Variants in TMEM200A observed in about 807,000 individuals in gnomAD.
TMEM200A encodes transmembrane protein 200A, also known as two transmembrane C.
Under a neutral mutation model 24.3 loss-of-function variants are expected in TMEM200A, and 12 were observed. That is an observed-to-expected ratio of 0.49 (90% CI 0.32 to 0.80). TMEM200A has a LOEUF of 0.80. TMEM200A is among the 30% of genes least tolerant of loss of function. TMEM200A has a pLI of 0.04. For synonymous variants in TMEM200A, 224 were observed against 224.4 expected (o/e 1.00, Z 0.02); for missense variants, 545 against 614.4 (o/e 0.89, Z 1.19).
chr6:130,396,934 C>T lies in TMEM200A; in HGVS notation c.-17+11698C>T, dbSNP rs111274407. On this transcript the variant is annotated intron_variant, in intron 2 of 2. Coordinates refer to ENST00000296978, the MANE Select transcript of TMEM200A (RefSeq NM_001258277.2). ...GTAGGATGTTGTGCAGCCTTCACCTCTGCTTCATACTTTTACTTTCTGTTT... is the reference window on the plus strand; with the variant it reads ...GTAGGATGTTGTGCAGCCTTCACCTTTGCTTCATACTTTTACTTTCTGTTT... Among the ~76,000 whole-genome samples, 43 of 152,296 alleles carry T rather than the reference C, an allele frequency of 2.8e-4. 1 individual carries two copies. The highest frequency in any genetic ancestry group is 9.6e-4 in the African/African-American group (40 of 41,576).
chr6:130,386,679 G>A (rs1201396076), intron 2 of TMEM200A, among the ~76,000 whole-genome samples: 1 of 152,114 alleles, frequency 6.6e-6, no homozygotes, highest in African/African-American at 2.4e-5. Flanking sequence ...TAGGTGATTA[G>A]CATTAAGATT....
At chr6:130,436,987 A>C (rs1221792637) in intron 2 of TMEM200A, 2 of 152,122 alleles carry the variant, frequency 1.3e-5, no homozygotes, top group Admixed American at 6.6e-5. Flanking sequence ...TGCCGTTAGC[A>C]TCCCCATGCC....
chr6:130,440,759 G>T lies in TMEM200A; in HGVS notation c.337G>T (p.Val113Phe). 6.2e-7 allele frequency: 1 copy of T among 1,613,930 alleles called. No individual in the cohort carries two copies. The highest frequency in any genetic ancestry group is 8.5e-7 in the Non-Finnish European group (1 of 1,179,960). ...CATTCGGAATGAAGGCGGTGTGGTG[G>T]TTCGCTTCTTTGAGCAGCATTTGCA... Reference protein sequence around the residue: ...QVIRNEGGVVVRFFEQHLHSD... With the variant: ...QVIRNEGGVVFRFFEQHLHSD... Residue 113 changes from valine to phenylalanine, a missense_variant, in exon 3 of 3, where the codon GTT (valine) becomes TTT (phenylalanine). Val to Phe is a conservative substitution (Grantham distance 50). Transcript: ENST00000296978.
At position 130,441,551 on chromosome 6, in the gene TMEM200A, G is replaced by A. The variant is rs749593534; in HGVS notation, c.1129G>A (p.Ala377Thr). The A allele has an allele frequency of 1.2e-6, 2 of 1,613,900 alleles. No homozygotes were observed. The highest frequency in any genetic ancestry group is 4.5e-5 in the East Asian group (2 of 44,842). The change falls in exon 3 of 3, where the codon GCT becomes ACT. Residue 377 changes from alanine (A) to threonine (T), a missense_variant. Coordinates refer to ENST00000296978, the MANE Select transcript of TMEM200A (RefSeq NM_001258277.2). ...GGCTGGACAGCTCTTGTCTCCTGGG[G>A]CTGCCAGAAGACAGTTTGGGTCCAA... ...PGAGQLLSPG[A>T]ARRQFGSNTS...
intron 2 of TMEM200A, among the ~76,000 whole-genome samples, chr6:130,428,340 T>G (rs965180273): frequency 2.0e-5 from 3 of 152,178 alleles, no homozygotes; most frequent in Non-Finnish European, 4.4e-5. Flanking sequence ...AATATTGTCA[T>G]TAATCCATAA....
At position 130,422,544 on chromosome 6, in the gene TMEM200A, G is replaced by A. The variant is rs931883819; in HGVS notation, c.-16-17863G>A. On this transcript the variant is annotated intron_variant, in intron 2 of 2. Coordinates refer to ENST00000296978, the MANE Select transcript of TMEM200A (RefSeq NM_001258277.2). ...GGCCTCCCAAAGTGCTAGGATTACAGGCATGAGCCACCACACACAGCCTTA... is the reference window on the plus strand; with the variant it reads ...GGCCTCCCAAAGTGCTAGGATTACAAGCATGAGCCACCACACACAGCCTTA... Among the ~76,000 whole-genome samples, 207 of 152,086 alleles carry A rather than the reference G, an allele frequency of 1.4e-3. 2 individuals are homozygous for A. The highest frequency in any genetic ancestry group is 2.9e-4 in the Non-Finnish European group (20 of 68,006).
intron 1 of TMEM200A, among the ~76,000 whole-genome samples, chr6:130,368,243 G>A (rs1026563910): frequency 1.3e-5 from 2 of 152,044 alleles, no homozygotes; most frequent in Non-Finnish European, 2.9e-5. Context: ...TAGAGGGAAC[G>A]GATCTGAACT....
At chr6:130,434,741 A>G (rs2115221580) in intron 2 of TMEM200A, among the ~76,000 whole-genome samples, 1 of 152,290 alleles carries the variant, frequency 6.6e-6, no homozygotes, top group African/African-American at 2.4e-5. Flanking sequence ...CTTCTCTTCA[A>G]GAAGAGCTTT....
chr6:130,395,792 G>A (rs751309387), intron 2 of TMEM200A, among the ~76,000 whole-genome samples: 2 of 152,168 alleles, frequency 1.3e-5, no homozygotes, highest in African/African-American at 2.4e-5. Flanking sequence ...GATCAAAGTC[G>A]TTGAATTTAA....
At chr6:130,426,129 C>T (rs1478042024) in intron 2 of TMEM200A, among the ~76,000 whole-genome samples, 1 of 152,108 alleles carries the variant, frequency 6.6e-6, no homozygotes, top group Non-Finnish European at 1.5e-5. Flanking sequence ...GAAGAAAAGT[C>T]AAATGTAAAT....
intron 2 of TMEM200A, among the ~76,000 whole-genome samples, chr6:130,433,231 G>T (rs1314515234): frequency 1.3e-5 from 2 of 150,772 alleles, no homozygotes; most frequent in Non-Finnish European, 2.9e-5. Flanking sequence ...CCACCTCTCA[G>T]GTTCAAGCGA....
intron 2 of TMEM200A, among the ~76,000 whole-genome samples, chr6:130,423,938 A>ATAAG (rs1779664059): frequency 6.6e-6 from 1 of 152,172 alleles, no homozygotes; most frequent in African/African-American, 2.4e-5. Flanking sequence ...TATAAAGGTT[A>ATAAG]TAAGTTGAAC....
chr6:130,389,070 T>C (rs566931804), intron 2 of TMEM200A, among the ~76,000 whole-genome samples: 1 of 152,338 alleles, frequency 6.6e-6, no homozygotes, highest in Admixed American at 6.5e-5. Context: ...AGATATTGTC[T>C]TTGACTCTCA....
chr6:130,441,084 G>A lies in TMEM200A; in HGVS notation c.662G>A (p.Arg221Gln), dbSNP rs200272604. The change falls in exon 3 of 3, where the codon CGA (arginine) becomes CAA (glutamine). Residue 221 changes from arginine to glutamine, a missense_variant. By Grantham distance (43) the Arg-to-Gln change is conservative. Transcript: ENST00000296978. ...ASFSGFRSSF[R>Q]MDSSVEEDEL... ...TTCTCGGGTTTTCGGAGCAGTTTTC[G>A]AATGGACAGCTCCGTGGAGGAGGAT... 7 of 1,614,008 alleles carry A rather than the reference G, an allele frequency of 4.3e-6. No homozygotes were observed. The highest frequency in any genetic ancestry group is 1.1e-5 in the South Asian group (1 of 91,072).
intron 2 of TMEM200A, among the ~76,000 whole-genome samples, chr6:130,391,065 C>T (rs1018589391): frequency 6.6e-6 from 1 of 152,238 alleles, no homozygotes; most frequent in Non-Finnish European, 1.5e-5. Flanking sequence ...CCACTGCATA[C>T]ATACAGCAGT....
At position 130,366,144 on chromosome 6, in the gene TMEM200A, T is replaced by A. The variant is rs926114124; in HGVS notation, c.-461T>A. On this transcript the variant is annotated 5_prime_UTR_variant, in exon 1 of 3. Coordinates refer to ENST00000296978, the MANE Select transcript of TMEM200A (RefSeq NM_001258277.2). This position sits in a 1 kb window ranked among gnomAD's most constrained non-coding sequence, Gnocchi z 4.4. Reference sequence around the variant, plus strand: ...GCCCGGCTTGCTGCGCCCGGTGCCCTCCGAGGGCAGGCGCGCCTGGACTCT... The same window carrying A: ...GCCCGGCTTGCTGCGCCCGGTGCCCACCGAGGGCAGGCGCGCCTGGACTCT... 3.0e-6 allele frequency: 3 copies of A among 984,974 alleles called. No homozygotes were observed. In the African/African-American group the frequency reaches 5.3e-5, roughly 17 times the overall value. The allele number at this position is 984,974 out of a possible 1,614,324, so 61.0% of individuals were successfully genotyped here.
intron 2 of TMEM200A, among the ~76,000 whole-genome samples, chr6:130,389,660 A>C (rs529111204): frequency 6.7e-6 from 1 of 148,364 alleles, no homozygotes; most frequent in East Asian, 1.9e-4. Context: ...ACAATAATAT[A>C]GCTTGTTAGA....
At chr6:130,387,471 C>T (rs1163100569) in intron 2 of TMEM200A, among the ~76,000 whole-genome samples, 2 of 152,106 alleles carry the variant, frequency 1.3e-5, no homozygotes, top group Non-Finnish European at 2.9e-5. Flanking sequence ...TGGGGTTTCA[C>T]CATGTTGGCC....
chr6:130,433,240 G>A (rs968007359), intron 2 of TMEM200A, among the ~76,000 whole-genome samples: 3 of 151,216 alleles, frequency 2.0e-5, no homozygotes, highest in Non-Finnish European at 4.4e-5. Flanking sequence ...AGGTTCAAGC[G>A]ATTCTCCTGC....
Sources: gnomAD v4.1 joint callset for allele counts (sites outside exome capture counted in the v4.1 genomes callset) on GRCh38, gnomAD v4.1.1 for gene constraint, Gnocchi (gnomAD v3.1) non-coding constraint, MANE v1.5 for transcripts, NCBI Gene and HGNC (gene_info 2026-07-23, HGNC 2026-07-21) for gene names.